SLC16A10: variants seen among roughly 807,000 people sequenced by gnomAD.
The protein encoded by SLC16A10 is solute carrier family 16 member 10.
Under a neutral mutation model 40.0 loss-of-function variants are expected in SLC16A10, and 27 were observed. The ratio of observed to expected loss-of-function variants is 0.67; its 90% CI spans 0.50 to 0.93. SLC16A10 has a LOEUF of 0.93. Ranked by LOEUF, SLC16A10 falls within the 40% of genes least tolerant of loss-of-function variation. The pLI is 0.00. For missense variants in SLC16A10, 529 were observed against 658.2 expected, an observed-to-expected ratio of 0.80 and a Z score of 2.15; for synonymous variants, 213 against 249.8, an observed-to-expected ratio of 0.85 and a Z score of 1.39.
Position 111,210,758 on chromosome 6 carries a change from C to T in SLC16A10, c.1086+4023C>T, listed in dbSNP as rs560339790. Among the ~76,000 whole-genome samples the T allele has an allele frequency of 1.1e-4, 16 of 152,216 alleles. No individual in the cohort carries two copies. In the East Asian group the frequency reaches 2.1e-3, roughly 20 times the overall value. ...TGCTTTAAGAGTAGTGGATTTTGGC[C>T]GGGCGCAGTGGTTCACGCCTGTAAC... On this transcript the variant is annotated intron_variant, in intron 4 of 5. Coordinates refer to ENST00000368851, the MANE Select transcript of SLC16A10 (RefSeq NM_018593.5).
intron 2 of SLC16A10, among the ~76,000 whole-genome samples, chr6:111,176,032 C>G (rs753869661): frequency 3.3e-5 from 5 of 152,152 alleles, no homozygotes; most frequent in Non-Finnish European, 7.3e-5. Flanking sequence ...CACAATGTAT[C>G]TGGTACACAG....
intron 4 of SLC16A10, 45 bp from the exon 5 acceptor site, chr6:111,218,769 A>AT (rs768678554): frequency 9.0e-5 from 137 of 1,524,694 alleles, no homozygotes; most frequent in South Asian, 5.6e-4. Flanking sequence ...TAATTGTGAC[A>AT]TTTGCTTCCT....
intron 1 of SLC16A10, among the ~76,000 whole-genome samples, chr6:111,155,022 CA>C (rs397888706): frequency 0.16 from 8,327 of 53,402 alleles, 221 homozygotes; most frequent in East Asian, 0.29. Context: ...GACTCCATCT[CA>C]AAAAAAAAAA....
rs532115815 is a variant in SLC16A10 at position 111,218,589 on chromosome 6, C to A, written c.1087-225C>A. Among the ~76,000 whole-genome samples the A allele has an allele frequency of 2.0e-5, 3 of 151,926 alleles. No homozygotes were observed. The East Asian group carries it at 5.8e-4, about 29-fold the overall frequency. The stretch of plus-strand genomic sequence containing the variant: ...GACAGACTCCAGCTCAAAAACAATA[C>A]GTTTTTTTAATCTTGTCCCTTAATG... On this transcript the variant is annotated intron_variant, in intron 4 of 5. Transcript: ENST00000368851.
intron 3 of SLC16A10, among the ~76,000 whole-genome samples, chr6:111,181,891 T>C (rs1772798813): frequency 6.6e-6 from 1 of 152,220 alleles, no homozygotes; most frequent in Admixed American, 6.5e-5. Context: ...CTAAAAACGA[T>C]TCCTAGTAGC....
chr6:111,156,039 G>T (rs776554712), intron 1 of SLC16A10, among the ~76,000 whole-genome samples: 32 of 152,156 alleles, frequency 2.1e-4, no homozygotes, highest in Non-Finnish European at 4.3e-4. Context: ...CCCCAATAAT[G>T]GGAGTATGTC....
intron 4 of SLC16A10, among the ~76,000 whole-genome samples, chr6:111,216,203 C>T (rs1287781991): frequency 6.6e-6 from 1 of 152,176 alleles, no homozygotes; most frequent in African/African-American, 2.4e-5. Context: ...CTCTGAGCCC[C>T]AGTTCTTTCC....
chr6:111,142,598 A>G (rs1318530360), intron 1 of SLC16A10, among the ~76,000 whole-genome samples: 1 of 152,252 alleles, frequency 6.6e-6, no homozygotes, highest in Non-Finnish European at 1.5e-5. Flanking sequence ...AGATATATAG[A>G]TGGCAAATAA....
In SLC16A10 at chr6:111,152,941, G is replaced by T. The variant is rs567918898; in HGVS notation, c.344-19754G>T. On this transcript the variant is annotated intron_variant, in intron 1 of 5. Transcript: ENST00000368851. ...AACATTTAAGAAACCCAGATTTGGG[G>T]ATACAAGGTGTGTGTGTGCACATGC... 2.6e-5 allele frequency among the ~76,000 whole-genome samples: 4 copies of T among 152,312 alleles called. No individual in the cohort carries two copies. In the East Asian group the frequency reaches 7.7e-4, roughly 29 times the overall value.
intron 3 of SLC16A10, among the ~76,000 whole-genome samples, chr6:111,179,820 C>T (rs887657931): frequency 6.6e-6 from 1 of 152,218 alleles, no homozygotes; most frequent in African/African-American, 2.4e-5. Flanking sequence ...CGTTATCGCA[C>T]CGAATGCAGC....
intron 4 of SLC16A10, among the ~76,000 whole-genome samples, chr6:111,218,434 C>T (rs1770822156): frequency 6.6e-6 from 1 of 152,088 alleles, no homozygotes; most frequent in Non-Finnish European, 1.5e-5. Flanking sequence ...CAAAAATTAG[C>T]TGGACTTTGT....
chr6:111,172,695 C>T lies in SLC16A10; in HGVS notation c.344C>T (p.Ala115Val), dbSNP rs771868234. 6.2e-7 allele frequency: 1 copy of T among 1,612,860 alleles called. No homozygotes were observed. Residue 115 changes from alanine to valine, a missense_variant and splice_region_variant, in exon 2 of 6, where the codon GCA (alanine) becomes GTA (valine). By Grantham distance (64) the Ala-to-Val change is moderately conservative. Transcript: ENST00000368851. ...CCCCACGCTTTCCCTTCTTTTACAG[C>T]ATGGGTAGGTTCTCTCTCCATGGGG... The part of the protein sequence containing the change: ...KDDDKMVFKT[A>V]WVGSLSMGMI...
At chr6:111,171,815 CA>C (rs11396709) in intron 1 of SLC16A10, among the ~76,000 whole-genome samples, 3,487 of 86,020 alleles carry the variant, frequency 0.041, 109 homozygotes, top group African/African-American at 0.12. Context: ...GACCTTTTCT[CA>C]AAAAAAAAAA....
chr6:111,117,401 A>G (rs1462809541), intron 1 of SLC16A10, among the ~76,000 whole-genome samples: 1 of 150,772 alleles, frequency 6.6e-6, no homozygotes, highest in Non-Finnish European at 1.5e-5. Context: ...GCCAATGTGC[A>G]CGTTTATTCT....
At chr6:111,146,312 G>A (rs1772076045) in intron 1 of SLC16A10, among the ~76,000 whole-genome samples, 1 of 152,174 alleles carries the variant, frequency 6.6e-6, no homozygotes, top group South Asian at 2.1e-4. Context: ...CAAGTATGTG[G>A]AAAAATTAGA....
intron 1 of SLC16A10, among the ~76,000 whole-genome samples, chr6:111,157,557 C>T (rs1024041810): frequency 3.3e-5 from 5 of 152,176 alleles, no homozygotes; most frequent in Admixed American, 6.5e-5. Flanking sequence ...GCTGGGATTA[C>T]AGGCATGAGC....
At chr6:111,186,867 C>G (rs1772906902) in intron 3 of SLC16A10, among the ~76,000 whole-genome samples, 1 of 152,136 alleles carries the variant, frequency 6.6e-6, no homozygotes, top group Non-Finnish European at 1.5e-5. Context: ...TATATTCCCT[C>G]ATAACATATT....
rs372042658 is a variant in SLC16A10 at position 111,221,689 on chromosome 6, T to G, written c.1316-314T>G. Among the ~76,000 whole-genome samples, 3 of 151,590 alleles carry G rather than the reference T, an allele frequency of 2.0e-5. No homozygotes were observed. In the East Asian group the frequency reaches 5.8e-4, roughly 29 times the overall value. ...TGAGCTTGGGAAGTCAAGGCCTGCATGAGCCATGATTATGCTACCGCACTC... is the reference window on the plus strand; with the variant it reads ...TGAGCTTGGGAAGTCAAGGCCTGCAGGAGCCATGATTATGCTACCGCACTC... On this transcript the variant is annotated intron_variant, in intron 5 of 5. Transcript: ENST00000368851.
chr6:111,105,223 T>A (rs1309213377), intron 1 of SLC16A10, among the ~76,000 whole-genome samples: 2 of 152,158 alleles, frequency 1.3e-5, no homozygotes, highest in Non-Finnish European at 2.9e-5. Context: ...AAATTTAAAG[T>A]ATTGACAGTG....
Sources: gnomAD v4.1 joint callset for allele counts (sites outside exome capture counted in the v4.1 genomes callset) on GRCh38, gnomAD v4.1.1 for gene constraint, MANE v1.5 for transcripts, NCBI Gene and HGNC (gene_info 2026-07-23, HGNC 2026-07-21) for gene names.